LIG3: variants seen among roughly 807,000 people sequenced by gnomAD.
The protein encoded by LIG3 is DNA ligase 3.
Under a neutral mutation model 110.9 loss-of-function variants are expected in LIG3, and 58 were observed. The ratio of observed to expected loss-of-function variants is 0.52; its 90% CI spans 0.42 to 0.65. LIG3 has a LOEUF of 0.65. Among genes scored for constraint, LIG3 ranks in the 30% least tolerant of loss-of-function variants. LIG3 has a pLI of 0.00. For synonymous variants in LIG3, 422 were observed against 472.8 expected, an observed-to-expected ratio of 0.89 and a Z score of 1.39; for missense variants, 1,094 against 1,273.8, an observed-to-expected ratio of 0.86 and a Z score of 2.15.
At chr17:34,986,917 A>G (rs1333032671) in intron 3 of LIG3, among the ~76,000 whole-genome samples, 1 of 152,194 alleles carries the variant, frequency 6.6e-6, no homozygotes. Flanking sequence ...CAAAGGAAGG[A>G]AAAAAAGATC....
In LIG3 at chr17:35,001,279, C is replaced by T. The variant is rs765233995; in HGVS notation, c.2354C>T (p.Thr785Ile). ...DPKKAAVWEITGAEFSKSEAH... is the reference protein window; with the variant it reads ...DPKKAAVWEIIGAEFSKSEAH... ...CAGAAAGCTGCCGTGTGGGAGATCA[C>T]AGGGGCTGAATTCTCCAAATCGGAG... Residue 785 changes from threonine to isoleucine, a missense_variant, in exon 17 of 20, where the codon ACA becomes ATA. Transcript: ENST00000378526. 6.2e-7 allele frequency: 1 copy of T among 1,614,078 alleles called. No individual in the cohort carries two copies. Among genetic ancestry groups the T allele is most frequent in the Non-Finnish European group, 8.5e-7 (1 of 1,179,936 alleles).
In LIG3 at chr17:34,980,620, C is replaced by T. The variant is rs2090571525; in HGVS notation, c.-7C>T. On this transcript the variant is annotated splice_region_variant and 5_prime_UTR_variant, in exon 1 of 20. Transcript: ENST00000378526. ...ACGGTGAGCGCCGGAGCCGGAGAGG[C>T]AGGTGAGGGGCTACGCGGCGCGGCA... 3 of 1,283,556 alleles carry T rather than the reference C, an allele frequency of 2.3e-6. No individual in the cohort carries two copies. Among genetic ancestry groups the T allele is most frequent in the African/African-American group, 1.5e-5 (1 of 65,386 alleles). The allele number at this position is 1,283,556 out of a possible 1,614,324, so 79.5% of individuals were successfully genotyped here.
In LIG3 at chr17:34,991,725, C is replaced by A. The variant is rs368652393; in HGVS notation, c.1096C>A (p.Pro366Thr). The change falls in exon 6 of 20, where the codon CCA (proline) becomes ACA (threonine). Residue 366 changes from proline (P) to threonine (T), a missense_variant. By Grantham distance (38) the Pro-to-Thr change is conservative. Transcript: ENST00000378526. ...CTTTGAGCAGAGCAAGTCTTTCCCC[C>A]CAGCTGCCAAGAGCCTCCTTACCAT... ...VFFEQSKSFPPAAKSLLTIQE... is the reference protein window; with the variant it reads ...VFFEQSKSFPTAAKSLLTIQE... 2 of 1,614,026 alleles carry A rather than the reference C, an allele frequency of 1.2e-6. No individual in the cohort carries two copies. The highest frequency in any genetic ancestry group is 2.2e-5 in the South Asian group (2 of 91,082).
Position 34,980,561 on chromosome 17 carries a change from G to T in LIG3, c.-66G>T, listed in dbSNP as rs777321350. 16 of 1,287,684 alleles carry T rather than the reference G, an allele frequency of 1.2e-5. No homozygotes were observed. In the East Asian group the frequency reaches 7.3e-4, roughly 59 times the overall value. 79.8% of individuals were successfully genotyped at this position (1,287,684 alleles called of 1,614,324 possible). A position where few individuals can be genotyped will look rare whatever the true frequency, so the allele number is the denominator to read the frequency against. Reference sequence around the variant, plus strand: ...ACAGGCGCTCCAACCGTCGTGGGCTGCCCGCGGCCTGTAATGAGCAAGTTC... The same window carrying T: ...ACAGGCGCTCCAACCGTCGTGGGCTTCCCGCGGCCTGTAATGAGCAAGTTC... On this transcript the variant is annotated 5_prime_UTR_variant, in exon 1 of 20. Coordinates refer to ENST00000378526, the MANE Select transcript of LIG3 (RefSeq NM_013975.4).
intron 9 of LIG3, 39 bp downstream of exon 9, chr17:34,994,470 C>CT: frequency 1.9e-6 from 3 of 1,596,068 alleles, no homozygotes; most frequent in African/African-American, 1.3e-5. Context: ...CGTCTTTCCC[C>CT]TTTCTGCCTC....
At chr17:34,986,993 C>T (rs2090662974) in intron 3 of LIG3, among the ~76,000 whole-genome samples, 1 of 152,206 alleles carries the variant, frequency 6.6e-6, no homozygotes, top group African/African-American at 2.4e-5. Context: ...ACTTTGGAAT[C>T]AGTGAGCTCT....
chr17:34,992,671 G>T lies in LIG3; in HGVS notation c.1434G>T (p.Met478Ile). 1 of 1,606,766 alleles carries T rather than the reference G, an allele frequency of 6.2e-7. No homozygotes were observed. The highest frequency in any genetic ancestry group is 1.1e-5 in the South Asian group (1 of 89,872). Residue 478 changes from methionine (M) to isoleucine (I), a missense_variant, in exon 8 of 20, where the codon ATG becomes ATT. By Grantham distance (10) the Met-to-Ile change is conservative (BLOSUM62 1). Coordinates refer to ENST00000378526, the MANE Select transcript of LIG3 (RefSeq NM_013975.4). ...CTCTGAGCGTCCAGGCCTCGCTGAT[G>T]ACACCTGTGCAGCCCATGTTGGTGA... ...RRALSVQASL[M>I]TPVQPMLAEA...
chr17:35,001,188 G>C (rs1597802586), intron 16 of LIG3, 69 bp from the exon 17 acceptor site: 3 of 1,540,760 alleles, frequency 1.9e-6, no homozygotes, highest in Admixed American at 1.7e-5. Context: ...TTACAGGCTT[G>C]AGCCACCACG....
chr17:35,003,440 G>A (rs796273522), intron 19 of LIG3: 28 of 218,024 alleles, frequency 1.3e-4, no homozygotes, highest in African/African-American at 4.3e-4. Flanking sequence ...TCAGCCTCCC[G>A]AGTAGCTGGG....
At position 35,004,294 on chromosome 17, in the gene LIG3, G is replaced by A. The variant is rs559299489; in HGVS notation, c.2818G>A (p.Gly940Arg). ...GCAGGTATTGCTGGACATCTTCACT[G>A]GGGTGCGGCTTTACTTGCCACCCTC... The part of the protein sequence containing the change: ...QTKVLLDIFT[G>R]VRLYLPPSTP... Residue 940 changes from glycine (G) to arginine (R), a missense_variant, in exon 20 of 20, where the codon GGG becomes AGG. Physicochemically the swap from Gly to Arg is moderately radical, Grantham distance 125. Coordinates refer to ENST00000378526, the MANE Select transcript of LIG3 (RefSeq NM_013975.4). The A allele has an allele frequency of 6.2e-7, 1 of 1,614,074 alleles. No individual in the cohort carries two copies. Among genetic ancestry groups the A allele is most frequent in the South Asian group, 1.1e-5 (1 of 91,070 alleles).
rs745661815 is a variant in LIG3 at position 35,004,864 on chromosome 17, G to A, written c.*358G>A. 6.3e-5 allele frequency: 17 copies of A among 268,312 alleles called. No homozygotes were observed. Among genetic ancestry groups the A allele is most frequent in the Non-Finnish European group, 1.2e-4 (16 of 138,314 alleles). 16.6% of individuals were successfully genotyped at this position (268,312 alleles called of 1,614,324 possible). ...TTTCCCTAGAGATTAAGGAGTAAAG[G>A]CTGGGCTATGGCAGCTCTGTCCACA... On this transcript the variant is annotated 3_prime_UTR_variant, in exon 20 of 20. Transcript: ENST00000378526.
intron 3 of LIG3, among the ~76,000 whole-genome samples, chr17:34,987,813 A>G (rs905625955): frequency 6.6e-6 from 1 of 152,170 alleles, no homozygotes; most frequent in Non-Finnish European, 1.5e-5. Context: ...TCATATCTCC[A>G]TGCCTCATCT....
intron 11 of LIG3, chr17:34,997,377 T>C (rs1019658845): frequency 1.0e-5 from 2 of 196,738 alleles, no homozygotes; most frequent in South Asian, 1.9e-4. Flanking sequence ...GGGGTTGGCC[T>C]TGGGATCGGG....
At chr17:34,983,647 C>T (rs1191170461) in intron 2 of LIG3, 95 bp downstream of exon 2, 19 of 1,239,686 alleles carry the variant, frequency 1.5e-5, no homozygotes, top group Non-Finnish European at 2.1e-5. Context: ...TTTAACTTTG[C>T]TCTTTTAGAG....
In LIG3 at chr17:35,005,114, G is replaced by A. The variant is rs2090884975; in HGVS notation, c.*608G>A. The A allele has an allele frequency of 2.9e-6, 1 of 341,164 alleles. No homozygotes were observed. Among genetic ancestry groups the A allele is most frequent in the African/African-American group, 2.1e-5 (1 of 46,600 alleles). 21.1% of individuals were successfully genotyped at this position (341,164 alleles called of 1,614,324 possible). A position where few individuals can be genotyped will look rare whatever the true frequency, so the allele number is the denominator to read the frequency against. On this transcript the variant is annotated 3_prime_UTR_variant, in exon 20 of 20. Coordinates refer to ENST00000378526, the MANE Select transcript of LIG3 (RefSeq NM_013975.4). ...GTGAGGATCCCCAGTTTGAAGGGAG[G>A]GGACTAGGGTCAGGTAGGAAAATGG...
intron 1 of LIG3, 67 bp downstream of exon 1, chr17:34,980,689 C>G (rs1230963997): frequency 3.2e-6 from 3 of 934,400 alleles, no homozygotes; most frequent in Non-Finnish European, 3.9e-6. Context: ...GGGCCCGGGG[C>G]GAGGAGCTCG....
At position 35,005,963 on chromosome 17, in the gene LIG3, C is replaced by T. The variant is rs2090892829; in HGVS notation, c.*1457C>T. 7.0e-6 allele frequency: 2 copies of T among 285,324 alleles called. No homozygotes were observed. The highest frequency in any genetic ancestry group is 3.5e-5 in the South Asian group (1 of 28,402). 17.7% of individuals were successfully genotyped at this position (285,324 alleles called of 1,614,324 possible). On this transcript the variant is annotated 3_prime_UTR_variant, in exon 20 of 20. Transcript: ENST00000378526. ...ACAGTATTTTTTTTTTTCCTGCTGA[C>T]CTATTGATAATACCAACAATGTTGA... is the stretch of plus-strand genomic sequence containing the variant.
At position 35,002,750 on chromosome 17, in the gene LIG3, G is replaced by C; in HGVS notation, c.2757G>C (p.Glu919Asp). 1 of 1,611,896 alleles carries C rather than the reference G, an allele frequency of 6.2e-7. No individual in the cohort carries two copies. The highest frequency in any genetic ancestry group is 8.5e-7 in the Non-Finnish European group (1 of 1,178,968). ...ATKSSPVKVG[E>D]KRKAADETLC... Reference sequence around the variant, plus strand: ...AGTCTTCTCCAGTGAAAGTAGGGGAGAAGCGGAAAGCTGCTGATGAGACGC... The same window carrying C: ...AGTCTTCTCCAGTGAAAGTAGGGGACAAGCGGAAAGCTGCTGATGAGACGC... The change falls in exon 19 of 20, where the codon GAG becomes GAC. Residue 919 changes from glutamate to aspartate, a missense_variant. Coordinates refer to ENST00000378526, the MANE Select transcript of LIG3 (RefSeq NM_013975.4).
chr17:34,981,347 CT>C (rs2090589383), intron 1 of LIG3: 1 of 152,264 alleles, frequency 6.6e-6, no homozygotes, highest in Admixed American at 6.5e-5. Flanking sequence ...GTCTGCCGTA[CT>C]TCCACTTACC....
Sources: allele counts gnomAD v4.1 joint callset (sites outside exome capture counted in the v4.1 genomes callset), GRCh38; gene constraint gnomAD v4.1.1; transcripts MANE v1.5; gene names NCBI Gene and HGNC (gene_info 2026-07-23, HGNC 2026-07-21).